Variants in KCNAB1 observed in about 807,000 individuals in gnomAD.
KCNAB1 encodes potassium voltage-gated channel subfamily A regulatory beta subunit 1.
KCNAB1 carries 35 observed loss-of-function variants against 64.6 expected under a neutral mutation model. The ratio of observed to expected loss-of-function variants is 0.54; its 90% CI spans 0.41 to 0.72. The LOEUF (loss-of-function observed/expected upper bound fraction) is 0.72, where lower values mean the gene tolerates loss of function less well. Ranked by LOEUF, KCNAB1 falls within the 30% of genes least tolerant of loss-of-function variation. The pLI, the probability that KCNAB1 is intolerant of heterozygous loss-of-function variation, is 0.00. For missense variants in KCNAB1, 401 were observed against 512.9 expected (o/e 0.78, Z 2.11); for synonymous variants, 177 against 183.8 (o/e 0.96, Z 0.30).
intron 1 of KCNAB1, among the ~76,000 whole-genome samples, chr3:156,294,987 T>C (rs182560692): frequency 6.6e-6 from 1 of 152,294 alleles, no homozygotes; most frequent in African/African-American, 2.4e-5. Context: ...GGAACCTCAC[T>C]CAACTGGTAC....
At chr3:156,483,365 A>G (rs912736270) in intron 8 of KCNAB1, among the ~76,000 whole-genome samples, 2 of 152,096 alleles carry the variant, frequency 1.3e-5, no homozygotes, top group Non-Finnish European at 2.9e-5. Flanking sequence ...TGGCTGACTG[A>G]AGACTTAAGT....
chr3:156,454,870 C>G (rs1576887530), intron 3 of KCNAB1, among the ~76,000 whole-genome samples: 1 of 152,216 alleles, frequency 6.6e-6, no homozygotes, highest in East Asian at 1.9e-4. Flanking sequence ...TTCACAGTGT[C>G]TGCTCTCTGC....
intron 1 of KCNAB1, among the ~76,000 whole-genome samples, chr3:156,295,880 C>A (rs1720740246): frequency 6.6e-6 from 1 of 152,178 alleles, no homozygotes; most frequent in Admixed American, 6.5e-5. Context: ...GTCCTCTCTT[C>A]TAGCTATTTT....
intron 1 of KCNAB1, among the ~76,000 whole-genome samples, chr3:156,408,638 GGT>G (rs1714423304): frequency 6.6e-6 from 1 of 151,930 alleles, no homozygotes; most frequent in Non-Finnish European, 1.5e-5. Context: ...AAATTAGCCG[GGT>G]GTGGTGGGGC....
chr3:156,391,686 A>G (rs760639744), intron 1 of KCNAB1, among the ~76,000 whole-genome samples: 4 of 152,328 alleles, frequency 2.6e-5, no homozygotes, highest in Non-Finnish European at 5.9e-5. Context: ...CGAAGTAGAA[A>G]GATGATTCTA....
chr3:156,463,764 C>T lies in KCNAB1; in HGVS notation c.527+18C>T. 3.1e-6 allele frequency: 5 copies of T among 1,592,494 alleles called. No individual in the cohort carries two copies. The highest frequency in any genetic ancestry group is 4.3e-6 in the Non-Finnish European group (5 of 1,167,758). ...GGTGGAAAGTAAGTTATTTTTCCTACTAAACAGAAAACAACTAGTAGTTCA... is the reference window on the plus strand; with the variant it reads ...GGTGGAAAGTAAGTTATTTTTCCTATTAAACAGAAAACAACTAGTAGTTCA... On this transcript the variant is annotated intron_variant, in intron 6 of 13. Coordinates refer to ENST00000490337, the MANE Select transcript of KCNAB1 (RefSeq NM_172160.3).
chr3:156,301,600 A>C (rs1439052192), intron 1 of KCNAB1, among the ~76,000 whole-genome samples: 1 of 152,230 alleles, frequency 6.6e-6, no homozygotes, highest in African/African-American at 2.4e-5. Context: ...ATGGTCTAAC[A>C]TACAACGTCT....
At chr3:156,366,039 TAATG>T (rs550075354) in intron 1 of KCNAB1, among the ~76,000 whole-genome samples, 1 of 152,110 alleles carries the variant, frequency 6.6e-6, no homozygotes, top group East Asian at 1.9e-4. Context: ...ACATAAAAAT[TAATG>T]AAAGAAAGTA....
intron 1 of KCNAB1, among the ~76,000 whole-genome samples, chr3:156,290,674 G>A (rs1720348831): frequency 6.6e-6 from 1 of 152,208 alleles, no homozygotes; most frequent in South Asian, 2.1e-4. Context: ...AGTGGGCAGT[G>A]TATGTGGTTT....
At chr3:156,293,484 C>T (rs1720587900) in intron 1 of KCNAB1, among the ~76,000 whole-genome samples, 2 of 152,104 alleles carry the variant, frequency 1.3e-5, no homozygotes, top group Admixed American at 6.5e-5. Context: ...TAAAAGTTGC[C>T]CTTGAAAAAA....
At chr3:156,444,091 T>C (rs1215195719) in intron 2 of KCNAB1, among the ~76,000 whole-genome samples, 1 of 152,170 alleles carries the variant, frequency 6.6e-6, no homozygotes, top group African/African-American at 2.4e-5. Context: ...AGGCTGCAGC[T>C]TGGATCCAAA....
intron 1 of KCNAB1, chr3:156,176,624 A>C (rs1464807227): frequency 1.1e-6 from 1 of 940,102 alleles, no homozygotes; most frequent in Non-Finnish European, 1.8e-6. Flanking sequence ...GTCACCATAG[A>C]CATTCCACAA....
At position 156,524,114 on chromosome 3, in the gene KCNAB1, G is replaced by C; in HGVS notation, c.1081+167G>C. 1.3e-5 allele frequency: 9 copies of C among 678,290 alleles called. No individual in the cohort carries two copies. The South Asian group carries it at 2.5e-4, about 19-fold the overall frequency. 42.0% of individuals were successfully genotyped at this position (678,290 alleles called of 1,614,324 possible). A position where few individuals can be genotyped will look rare whatever the true frequency, so the allele number is the denominator to read the frequency against. On this transcript the variant is annotated intron_variant, in intron 12 of 13. Transcript: ENST00000490337. ...AAAGTGAGTTATTTGAGGTTCCCCAGAATTTTCTACATGATAGCAAATTTT... is the reference window on the plus strand; with the variant it reads ...AAAGTGAGTTATTTGAGGTTCCCCACAATTTTCTACATGATAGCAAATTTT...
At chr3:156,217,842 T>C (rs1715421361) in intron 1 of KCNAB1, 1 of 152,160 alleles carries the variant, frequency 6.6e-6, no homozygotes, top group African/African-American at 2.4e-5. Context: ...GTATCAGGAA[T>C]TGAAAATCTC....
At chr3:156,389,724 A>G (rs1192952827) in intron 1 of KCNAB1, among the ~76,000 whole-genome samples, 1 of 152,232 alleles carries the variant, frequency 6.6e-6, no homozygotes, top group Non-Finnish European at 1.5e-5. Flanking sequence ...GTTTTCTCAG[A>G]TAATGCTGGT....
In KCNAB1 at chr3:156,474,670, A is replaced by G. The variant is rs1407442849; in HGVS notation, c.572-64A>G. ...TAAAGCAAATTCTTGAAAGAAACCA[A>G]ACTTCAACTCTGAATAGTGCTCATA... On this transcript the variant is annotated intron_variant, in intron 7 of 13. Coordinates refer to ENST00000490337, the MANE Select transcript of KCNAB1 (RefSeq NM_172160.3). The G allele has an allele frequency of 4.2e-6, 5 of 1,195,060 alleles. No homozygotes were observed. In the East Asian group the frequency reaches 1.2e-4, roughly 28 times the overall value. The allele number at this position is 1,195,060 out of a possible 1,614,324, so 74.0% of individuals were successfully genotyped here. A position where few individuals can be genotyped will look rare whatever the true frequency, so the allele number is the denominator to read the frequency against.
At chr3:156,360,884 A>G (rs1447708105) in intron 1 of KCNAB1, among the ~76,000 whole-genome samples, 1 of 152,032 alleles carries the variant, frequency 6.6e-6, no homozygotes. Flanking sequence ...ACTACCATCC[A>G]GCCCAAACTG....
chr3:156,256,764 T>C (rs1718121673), intron 1 of KCNAB1, among the ~76,000 whole-genome samples: 1 of 152,268 alleles, frequency 6.6e-6, no homozygotes, highest in African/African-American at 2.4e-5. Context: ...CTACTCTGCT[T>C]TGTGCCCCAG....
chr3:156,522,263 T>C (rs1322133097), intron 11 of KCNAB1, among the ~76,000 whole-genome samples: 9 of 151,986 alleles, frequency 5.9e-5, no homozygotes, highest in Admixed American at 2.0e-4. Flanking sequence ...TTCAGAGATA[T>C]TGGTCCTCTG....
Sources: allele counts gnomAD v4.1 joint callset (sites outside exome capture counted in the v4.1 genomes callset), GRCh38; gene constraint gnomAD v4.1.1; transcripts MANE v1.5; gene names NCBI Gene and HGNC (gene_info 2026-07-23, HGNC 2026-07-21).